Variants in CDC42BPA observed in about 807,000 individuals in gnomAD.
CDC42BPA encodes the protein CDC42 binding protein kinase alpha.
In CDC42BPA, 80 loss-of-function variants were observed where a neutral mutation model predicts 223.5. That is an observed-to-expected ratio of 0.36 (90% CI 0.30 to 0.43). CDC42BPA has a LOEUF of 0.43. Among genes scored for constraint, CDC42BPA ranks in the 20% least tolerant of loss-of-function variants. CDC42BPA has a pLI of 1.00. For synonymous variants in CDC42BPA, 694 were observed against 718.6 expected, an observed-to-expected ratio of 0.97 and a Z score of 0.55; for missense variants, 1,743 against 2,099.9, an observed-to-expected ratio of 0.83 and a Z score of 3.32.
chr1:227,267,212 G>C (rs1373304271), intron 1 of CDC42BPA, among the ~76,000 whole-genome samples: 1 of 152,112 alleles, frequency 6.6e-6, no homozygotes. Context: ...ATTTAGTGTT[G>C]AATGATAATT....
chr1:227,086,848 T>C (rs1324464276), intron 16 of CDC42BPA, among the ~76,000 whole-genome samples: 1 of 151,976 alleles, frequency 6.6e-6, no homozygotes, highest in Non-Finnish European at 1.5e-5. Context: ...TTAAAAAAGA[T>C]TTTGTGTAGA....
In CDC42BPA at chr1:227,145,611, G is replaced by C; in HGVS notation, c.1021C>G (p.Pro341Ala). ...TCCCAATCAATTCCACTGAAAAATGGGTGTTTCTTAAAGTCTTCTATTCCA... is the reference window on the plus strand; with the variant it reads ...TCCCAATCAATTCCACTGAAAAATGCGTGTTTCTTAAAGTCTTCTATTCCA... The part of the protein sequence containing the change: ...QNGIEDFKKH[P>A]FFSGIDWDNI... Residue 341 changes from proline to alanine, a missense_variant, in exon 8 of 37, where the codon CCA becomes GCA. Physicochemically the swap from Pro to Ala is conservative, Grantham distance 27 (BLOSUM62 -1). This residue lies in a region of CDC42BPA where 321 missense variants were observed against 488.7 expected (regional missense o/e 0.66). Transcript: ENST00000366766. 1 of 1,613,756 alleles carries C rather than the reference G, an allele frequency of 6.2e-7. No homozygotes were observed. The highest frequency in any genetic ancestry group is 8.5e-7 in the Non-Finnish European group (1 of 1,179,834).
At position 227,317,452 on chromosome 1, in the gene CDC42BPA, C is replaced by T. The variant is rs1243582691; in HGVS notation, c.-270G>A. Reference sequence around the variant, plus strand: ...CATTTTTAAAAGAATACAATTAAGTCGTATATTTAAATAAAATAATAATTA... The same window carrying T: ...CATTTTTAAAAGAATACAATTAAGTTGTATATTTAAATAAAATAATAATTA... On this transcript the variant is annotated 5_prime_UTR_variant, in exon 1 of 37. Transcript: ENST00000366766. 1 of 396,156 alleles carries T rather than the reference C, an allele frequency of 2.5e-6. No homozygotes were observed. Among genetic ancestry groups the T allele is most frequent in the African/African-American group, 2.1e-5 (1 of 47,658 alleles). The allele number at this position is 396,156 out of a possible 1,614,324, so 24.5% of individuals were successfully genotyped here.
At chr1:227,150,224 C>CAAAAAAA (rs35252773) in intron 6 of CDC42BPA, among the ~76,000 whole-genome samples, 1 of 136,692 alleles carries the variant, frequency 7.3e-6, no homozygotes. Context: ...AACCCTGTCT[C>CAAAAAAA]AAAAAAAAAA....
intron 21 of CDC42BPA, among the ~76,000 whole-genome samples, chr1:227,060,451 A>T (rs1383356090): frequency 6.6e-6 from 1 of 152,110 alleles, no homozygotes; most frequent in African/African-American, 2.4e-5. Flanking sequence ...GATAAACAAG[A>T]CATGGAAGTT....
chr1:227,254,414 T>C (rs1055334339), intron 1 of CDC42BPA, among the ~76,000 whole-genome samples: 2 of 152,196 alleles, frequency 1.3e-5, no homozygotes, highest in African/African-American at 2.4e-5. Flanking sequence ...TATAAAAGAA[T>C]GCAAAGCAAG....
intron 17 of CDC42BPA, among the ~76,000 whole-genome samples, chr1:227,076,567 C>T (rs1679530553): frequency 6.6e-6 from 1 of 152,134 alleles, no homozygotes; most frequent in African/African-American, 2.4e-5. Context: ...CCAACACTAT[C>T]TCTTGCTCCT....
chr1:227,168,018 G>C (rs1029389351), intron 5 of CDC42BPA, among the ~76,000 whole-genome samples: 1 of 151,842 alleles, frequency 6.6e-6, no homozygotes, highest in African/African-American at 2.4e-5. Flanking sequence ...TCCACCTCCT[G>C]GGTTCAAGCA....
chr1:227,069,718 A>T, intron 21 of CDC42BPA, 59 bp downstream of exon 21: 1 of 1,247,036 alleles, frequency 8.0e-7, no homozygotes, highest in African/African-American at 1.5e-5. Context: ...AGTGAACTTT[A>T]AATTACAAAG....
intron 30 of CDC42BPA, among the ~76,000 whole-genome samples, chr1:227,027,957 A>C (rs1252819709): frequency 1.3e-5 from 2 of 152,070 alleles, no homozygotes; most frequent in Non-Finnish European, 1.5e-5. Flanking sequence ...CTACAAAAAC[A>C]AAAAATAAAA....
At chr1:227,258,500 A>G (rs1214760599) in intron 1 of CDC42BPA, among the ~76,000 whole-genome samples, 1 of 150,996 alleles carries the variant, frequency 6.6e-6, no homozygotes, top group African/African-American at 2.5e-5. Flanking sequence ...ATATGATGAT[A>G]CCCTAAGTAG....
Position 227,010,489 on chromosome 1 carries a change from T to C in CDC42BPA, c.4858-5378A>G, listed in dbSNP as rs143980759. On this transcript the variant is annotated intron_variant, in intron 34 of 36. Transcript: ENST00000366766. The stretch of plus-strand genomic sequence containing the variant: ...ACTAAATATAAAACATTTCACTGAA[T>C]TGAACTGGTTATAGGGTAAGGAGCT... 5.4e-3 allele frequency among the ~76,000 whole-genome samples: 828 copies of C among 152,320 alleles called. 4 individuals are homozygous for C. The highest frequency in any genetic ancestry group is 8.0e-3 in the Non-Finnish European group (545 of 68,022).
At chr1:227,238,736 T>TAC (rs1679517323) in intron 2 of CDC42BPA, among the ~76,000 whole-genome samples, 1 of 152,188 alleles carries the variant, frequency 6.6e-6, no homozygotes, top group South Asian at 2.1e-4. Context: ...CAACGAGTAC[T>TAC]ACCTTGAAGG....
intron 1 of CDC42BPA, among the ~76,000 whole-genome samples, chr1:227,283,523 CTATAAT>C (rs549726895): frequency 1.3e-5 from 2 of 152,026 alleles, no homozygotes; most frequent in East Asian, 1.9e-4. Flanking sequence ...AATGTTTATG[CTATAAT>C]TATATTTATT....
intron 1 of CDC42BPA, among the ~76,000 whole-genome samples, chr1:227,297,592 T>A (rs1424428763): frequency 6.6e-6 from 1 of 152,190 alleles, no homozygotes; most frequent in Non-Finnish European, 1.5e-5. Flanking sequence ...TACAATGGAA[T>A]ATTATTCAGC....
chr1:227,031,672 C>T (rs1047313638), intron 27 of CDC42BPA, among the ~76,000 whole-genome samples, 158 bp from the exon 28 acceptor site: 1 of 152,094 alleles, frequency 6.6e-6, no homozygotes, highest in Non-Finnish European at 1.5e-5. Context: ...GAATAACTAC[C>T]TTTAGCACTA....
chr1:227,233,879 G>C (rs1217199584), intron 2 of CDC42BPA, among the ~76,000 whole-genome samples: 4 of 151,424 alleles, frequency 2.6e-5, no homozygotes, highest in Non-Finnish European at 5.9e-5. Flanking sequence ...GTTGCAGTTA[G>C]CCGAGATCAC....
At position 227,031,295 on chromosome 1, in the gene CDC42BPA, T is replaced by A. The variant is rs766804014; in HGVS notation, c.3775+3A>T. 10 of 1,602,858 alleles carry A rather than the reference T, an allele frequency of 6.2e-6. No homozygotes were observed. Among genetic ancestry groups the A allele is most frequent in the African/African-American group, 1.3e-5 (1 of 74,626 alleles). ...TAATATGATAAATGTTATAAATTCA[T>A]ACCTATGATTGCGGCTGCCTGGGTT... On this transcript the variant is annotated splice_donor_region_variant and intron_variant, in intron 28 of 36. Transcript: ENST00000366766.
chr1:227,130,728 G>A (rs747491594), intron 10 of CDC42BPA, among the ~76,000 whole-genome samples: 7 of 152,108 alleles, frequency 4.6e-5, no homozygotes, highest in Non-Finnish European at 7.4e-5. Context: ...GGTGGTGCAT[G>A]CCTGTAATAC....
Sources: gnomAD v4.1 joint callset for allele counts (sites outside exome capture counted in the v4.1 genomes callset) on GRCh38, gnomAD v4.1.1 for gene constraint, gnomAD v4.1.1 regional missense constraint, MANE v1.5 for transcripts, NCBI Gene and HGNC (gene_info 2026-07-23, HGNC 2026-07-21) for gene names.